Variants in SDK1 observed in about 807,000 individuals in gnomAD.
The protein encoded by SDK1 is sidekick cell adhesion molecule 1, also known as protein sidekick-1.
SDK1 carries 157 observed loss-of-function variants against 245.5 expected under a neutral mutation model. The observed-to-expected ratio is 0.64, with a 90% CI of 0.56 to 0.73. The LOEUF (loss-of-function observed/expected upper bound fraction) is 0.73, where lower values mean the gene tolerates loss of function less well. Ranked by LOEUF, SDK1 falls within the 30% of genes least tolerant of loss-of-function variation. The probability of loss-of-function intolerance (pLI) is 0.00; values close to 1 mark genes in which losing one functional copy is unlikely to be tolerated. For synonymous variants in SDK1, 1,647 were observed against 1,278.5 expected (o/e 1.29, Z -6.15); for missense variants, 3,583 against 3,002.3 (o/e 1.19, Z -4.52).
chr7:3,556,915 AC>A (rs1430661795), intron 1 of SDK1, among the ~76,000 whole-genome samples: 1 of 152,190 alleles, frequency 6.6e-6, no homozygotes, highest in Admixed American at 6.6e-5. Context: ...TGATTATTAC[AC>A]ATTGTATGTC....
At chr7:3,806,516 C>T (rs1034405216) in intron 4 of SDK1, among the ~76,000 whole-genome samples, 1 of 152,218 alleles carries the variant, frequency 6.6e-6, no homozygotes. Context: ...CAGCAGAGAC[C>T]GTTACCTTTA....
In SDK1 at chr7:4,233,265, A is replaced by T; in HGVS notation, c.5838A>T (p.Leu1946Phe). The T allele has an allele frequency of 6.2e-7, 1 of 1,613,534 alleles. No homozygotes were observed. The part of the protein sequence containing the change: ...VIEARPSDEG[L>F]WDMFVKDIPR... The stretch of plus-strand genomic sequence containing the variant: ...CCATCCCTCTTGCAGATGAAGGCTT[A>T]TGGGACATGTTTGTGAAGGACATCC... Residue 1946 changes from leucine (L) to phenylalanine (F), a missense_variant, in exon 41 of 45, where the codon TTA becomes TTT. Physicochemically the swap from Leu to Phe is conservative, Grantham distance 22. Coordinates refer to ENST00000404826, the MANE Select transcript of SDK1 (RefSeq NM_152744.4).
chr7:3,618,006 A>T (rs187168952), intron 1 of SDK1, among the ~76,000 whole-genome samples: 1 of 152,218 alleles, frequency 6.6e-6, no homozygotes, highest in East Asian at 1.9e-4. Context: ...ATGCAGGTGG[A>T]TCTTGGGGAC....
chr7:3,534,573 A>G (rs1778817085), intron 1 of SDK1, among the ~76,000 whole-genome samples: 1 of 152,026 alleles, frequency 6.6e-6, no homozygotes, highest in Admixed American at 6.6e-5. Flanking sequence ...TCCCATCCCA[A>G]CAGGTGTGAG....
intron 1 of SDK1, among the ~76,000 whole-genome samples, chr7:3,438,278 C>G (rs1428301201): frequency 6.6e-6 from 1 of 152,144 alleles, no homozygotes; most frequent in Non-Finnish European, 1.5e-5. Flanking sequence ...AAACATTTAA[C>G]TAGGGTAATC....
At chr7:4,229,318 A>C (rs1785609944) in intron 40 of SDK1, among the ~76,000 whole-genome samples, 1 of 152,200 alleles carries the variant, frequency 6.6e-6, no homozygotes, top group Non-Finnish European at 1.5e-5. Context: ...AAATATGCTA[A>C]TTTGGGAAAG....
At chr7:3,520,807 A>G (rs55933090) in intron 1 of SDK1, among the ~76,000 whole-genome samples, 39,677 of 152,026 alleles carry the variant, frequency 0.26, 5,372 homozygotes, top group East Asian at 0.33. Flanking sequence ...TGTCCTGCCT[A>G]CCTTTTTATT....
At chr7:3,310,184 C>T (rs1779517233) in intron 1 of SDK1, among the ~76,000 whole-genome samples, 1 of 152,152 alleles carries the variant, frequency 6.6e-6, no homozygotes, top group Non-Finnish European at 1.5e-5. Flanking sequence ...ACCCAGCTGT[C>T]ACCACTCTTT....
At chr7:3,482,178 C>CAGAT (rs1221039160) in intron 1 of SDK1, among the ~76,000 whole-genome samples, 1 of 152,162 alleles carries the variant, frequency 6.6e-6, no homozygotes, top group Non-Finnish European at 1.5e-5. Context: ...ATTCATCGAT[C>CAGAT]AGATACCTTA....
At position 3,698,379 on chromosome 7, in the gene SDK1, G is replaced by A. The variant is rs184160311; in HGVS notation, c.713+56274G>A. 2.6e-4 allele frequency among the ~76,000 whole-genome samples: 40 copies of A among 152,220 alleles called. No individual in the cohort carries two copies. The East Asian group carries it at 3.5e-3, about 13-fold the overall frequency. On this transcript the variant is annotated intron_variant, in intron 4 of 44. Transcript: ENST00000404826. ...CGGTATTGGAGAGAGCACCTGAGGC[G>A]CCTGAACTTCCACCTTACCTGGTGC... is the stretch of plus-strand genomic sequence containing the variant.
chr7:3,547,073 C>CT, intron 1 of SDK1, among the ~76,000 whole-genome samples: 1 of 152,064 alleles, frequency 6.6e-6, no homozygotes, highest in Middle Eastern at 3.4e-3. Context: ...TAGCATTTTT[C>CT]TTTTAAGGTG....
At chr7:3,404,327 A>G (rs67498702) in intron 1 of SDK1, among the ~76,000 whole-genome samples, 23,338 of 152,222 alleles carry the variant, frequency 0.15, 2,927 homozygotes, top group African/African-American at 0.35. Context: ...AATAGCTGCA[A>G]ACAGTAGATT....
At chr7:3,676,219 A>T (rs1012510257) in intron 4 of SDK1, among the ~76,000 whole-genome samples, 2 of 150,720 alleles carry the variant, frequency 1.3e-5, no homozygotes, top group South Asian at 2.1e-4. Flanking sequence ...GGGTCTCACT[A>T]TGTTGCCCAG....
chr7:3,375,160 G>A (rs1181032320), intron 1 of SDK1, among the ~76,000 whole-genome samples: 1 of 148,910 alleles, frequency 6.7e-6, no homozygotes, highest in Non-Finnish European at 1.5e-5. Flanking sequence ...ATGTAATAAA[G>A]CTAATCTGAA....
Position 3,706,682 on chromosome 7 carries a change from G to T in SDK1, c.713+64577G>T, listed in dbSNP as rs188474746. ...CTCCCAAAGTGCTGGGATTATAGGCGTGAGCCACTGTGCTCGGCCAGCAAC... is the reference window on the plus strand; with the variant it reads ...CTCCCAAAGTGCTGGGATTATAGGCTTGAGCCACTGTGCTCGGCCAGCAAC... On this transcript the variant is annotated intron_variant, in intron 4 of 44. Coordinates refer to ENST00000404826, the MANE Select transcript of SDK1 (RefSeq NM_152744.4). Among the ~76,000 whole-genome samples, 451 of 152,250 alleles carry T rather than the reference G, an allele frequency of 3.0e-3. 2 individuals carry two copies. The highest frequency in any genetic ancestry group is 0.011 in the African/African-American group (438 of 41,550).
chr7:3,328,283 TGAA>T (rs1192875118), intron 1 of SDK1, among the ~76,000 whole-genome samples: 1 of 152,152 alleles, frequency 6.6e-6, no homozygotes, highest in African/African-American at 2.4e-5. Context: ...TTATTTGAAA[TGAA>T]GTAATATATC....
In SDK1 at chr7:3,974,263, G is replaced by C. The variant is rs115630390; in HGVS notation, c.1818-106G>C. ...AGAGCACAGTTCAGTGGTTTTTAAA[G>C]TCCATTCACAAGATTGTTAGTTGCT... On this transcript the variant is annotated intron_variant, in intron 12 of 44. Transcript: ENST00000404826. 9.6e-4 allele frequency: 810 copies of C among 840,236 alleles called. 6 individuals carry two copies. In the African/African-American group the frequency reaches 0.013, roughly 14 times the overall value. The allele number at this position is 840,236 out of a possible 1,614,324, so 52.0% of individuals were successfully genotyped here.
intron 35 of SDK1, among the ~76,000 whole-genome samples, chr7:4,191,327 G>A (rs908789723): frequency 1.3e-5 from 2 of 152,214 alleles, no homozygotes; most frequent in African/African-American, 2.4e-5. Flanking sequence ...CGCACAGCCC[G>A]GCAGATGCCC....
chr7:4,075,242 G>A (rs1159117699), intron 20 of SDK1, among the ~76,000 whole-genome samples: 3 of 152,092 alleles, frequency 2.0e-5, no homozygotes, highest in Non-Finnish European at 2.9e-5. Flanking sequence ...CACTGCGTCC[G>A]CCCACACGGG....
Sources: allele counts gnomAD v4.1 joint callset (sites outside exome capture counted in the v4.1 genomes callset), GRCh38; gene constraint gnomAD v4.1.1; transcripts MANE v1.5; gene names NCBI Gene and HGNC (gene_info 2026-07-23, HGNC 2026-07-21).